Variants in CXCL13 observed in about 807,000 individuals in gnomAD.
CXCL13 encodes the protein C-X-C motif chemokine ligand 13.
CXCL13 carries 7 observed loss-of-function variants against 12.2 expected under a neutral mutation model. That is an observed-to-expected ratio of 0.57 (90% CI 0.33 to 1.07). CXCL13 has a LOEUF of 1.07. Among genes scored for constraint, CXCL13 ranks in the 50% least tolerant of loss-of-function variants. The pLI, the probability that CXCL13 is intolerant of heterozygous loss-of-function variation, is 0.04. For missense variants in CXCL13, 113 were observed against 127.4 expected (o/e 0.89, Z 0.55); for synonymous variants, 47 against 42.4 (o/e 1.11, Z -0.42).
At chr4:77,558,015 A>G (rs1320251366) in intron 1 of CXCL13, among the ~76,000 whole-genome samples, 1 of 152,324 alleles carries the variant, frequency 6.6e-6, no homozygotes, top group Non-Finnish European at 1.5e-5. Flanking sequence ...TCCTTGCTAG[A>G]ATTTCAAGTC....
chr4:77,572,055 A>C (rs939239276), intron 1 of CXCL13, among the ~76,000 whole-genome samples: 16 of 151,742 alleles, frequency 1.1e-4, no homozygotes, highest in African/African-American at 3.6e-4. Context: ...CAGACTCCAG[A>C]CGCGCCACAT....
chr4:77,539,639 G>A (rs1725152324), intron 1 of CXCL13, among the ~76,000 whole-genome samples: 1 of 152,176 alleles, frequency 6.6e-6, no homozygotes, highest in African/African-American at 2.4e-5. Flanking sequence ...AAGGTCATAT[G>A]CCAGTTAAAC....
At chr4:77,564,061 C>T (rs781252055) in intron 1 of CXCL13, among the ~76,000 whole-genome samples, 1 of 152,174 alleles carries the variant, frequency 6.6e-6, no homozygotes, top group Non-Finnish European at 1.5e-5. Context: ...GAACAAGACA[C>T]CCCACATTTT....
At chr4:77,552,130 T>C (rs1432277544) in intron 1 of CXCL13, among the ~76,000 whole-genome samples, 1 of 152,212 alleles carries the variant, frequency 6.6e-6, no homozygotes, top group East Asian at 1.9e-4. Flanking sequence ...GGTAGTGTGA[T>C]ACTTTGGTGT....
chr4:77,592,889 A>C (rs531425375), intron 1 of CXCL13, among the ~76,000 whole-genome samples: 2 of 152,370 alleles, frequency 1.3e-5, no homozygotes, highest in African/African-American at 2.4e-5. Flanking sequence ...GATTTACACA[A>C]GATTTCTCCA....
At chr4:77,599,261 A>G (rs181200638) in intron 1 of CXCL13, among the ~76,000 whole-genome samples, 1 of 152,340 alleles carries the variant, frequency 6.6e-6, no homozygotes, top group East Asian at 1.9e-4. Flanking sequence ...ACCAGAATCT[A>G]TAGATGCTCA....
At chr4:77,591,427 A>G (rs1049288533) in intron 1 of CXCL13, among the ~76,000 whole-genome samples, 10 of 151,466 alleles carry the variant, frequency 6.6e-5, no homozygotes, top group African/African-American at 2.4e-4. Context: ...GGCAGGCACC[A>G]GTAGTCCCAG....
At chr4:77,517,340 G>C (rs902849918) in intron 1 of CXCL13, among the ~76,000 whole-genome samples, 14 of 152,176 alleles carry the variant, frequency 9.2e-5, no homozygotes, top group African/African-American at 3.4e-4. Context: ...GTGCAGAGCT[G>C]AGTTCAATTC....
At chr4:77,586,885 A>G (rs1726484264) in intron 1 of CXCL13, among the ~76,000 whole-genome samples, 1 of 152,194 alleles carries the variant, frequency 6.6e-6, no homozygotes, top group Non-Finnish European at 1.5e-5. Flanking sequence ...GCACAAATGA[A>G]GTATAGTTTG....
intron 1 of CXCL13, among the ~76,000 whole-genome samples, chr4:77,534,675 G>A (rs931434350): frequency 2.6e-5 from 4 of 152,168 alleles, no homozygotes; most frequent in Non-Finnish European, 4.4e-5. Context: ...AACAGTGTTT[G>A]TGTTGGGATC....
intron 1 of CXCL13, among the ~76,000 whole-genome samples, chr4:77,557,356 G>A (rs1378103114): frequency 2.0e-5 from 3 of 152,232 alleles, no homozygotes; most frequent in Admixed American, 6.5e-5. Flanking sequence ...GCTGCTGCAG[G>A]GGGCCTGGAA....
rs1201138089 is a variant in CXCL13 at position 77,514,405 on chromosome 4, A to T, written c.-43+2617A>T. Reference sequence around the variant, plus strand: ...CACTGACTTCCACAATGGTTGAACTAGTTTACAGTCCCACCAACAGTGTAA... The same window carrying T: ...CACTGACTTCCACAATGGTTGAACTTGTTTACAGTCCCACCAACAGTGTAA... On this transcript the variant is annotated intron_variant, in intron 1 of 4. Coordinates refer to the CXCL13 transcript ENST00000286758. 2.1e-5 allele frequency among the ~76,000 whole-genome samples: 3 copies of T among 143,010 alleles called. No individual in the cohort carries two copies. In the Admixed American group the frequency reaches 2.1e-4, roughly 10 times the overall value. 93.8% of individuals were successfully genotyped at this position (143,010 alleles called of 152,430 possible).
intron 1 of CXCL13, among the ~76,000 whole-genome samples, chr4:77,574,002 T>C (rs1009125108): frequency 6.6e-6 from 1 of 151,956 alleles, no homozygotes; most frequent in African/African-American, 2.4e-5. Flanking sequence ...GAAAAATATC[T>C]TTGAGGAAAA....
chr4:77,513,269 T>A (rs1023449858), intron 1 of CXCL13, among the ~76,000 whole-genome samples: 1 of 152,228 alleles, frequency 6.6e-6, no homozygotes, highest in Non-Finnish European at 1.5e-5. Context: ...TATAGTAGCC[T>A]GATTTATAAT....
chr4:77,577,575 T>A (rs1247061390), intron 1 of CXCL13, among the ~76,000 whole-genome samples: 1 of 152,062 alleles, frequency 6.6e-6, no homozygotes, highest in Non-Finnish European at 1.5e-5. Flanking sequence ...GTCTAGGAAA[T>A]GCAAATACTA....
Position 77,544,185 on chromosome 4 carries a change from G to T in CXCL13, c.-43+32397G>T, listed in dbSNP as rs148203241. Among the ~76,000 whole-genome samples, 72 of 152,006 alleles carry T rather than the reference G, an allele frequency of 4.7e-4. 1 individual carries two copies. Among genetic ancestry groups the T allele is most frequent in the African/African-American group, 1.6e-3 (65 of 41,478 alleles). The stretch of plus-strand genomic sequence containing the variant: ...GGTTGGTTCCAAGTCTTTGCTATTG[G>T]GAATAGTGCCGCAATAAACGTATGT... On this transcript the variant is annotated intron_variant, in intron 1 of 4. Transcript: ENST00000286758.
At chr4:77,538,046 G>A in intron 1 of CXCL13, among the ~76,000 whole-genome samples, 1 of 152,226 alleles carries the variant, frequency 6.6e-6, no homozygotes, top group Non-Finnish European at 1.5e-5. Context: ...AGAGAGGGAA[G>A]CAGAGATCAG....
chr4:77,575,140 T>C lies in CXCL13; in HGVS notation c.-42-30684T>C, dbSNP rs370158082. On this transcript the variant is annotated intron_variant, in intron 1 of 4. Coordinates refer to the CXCL13 transcript ENST00000286758. ...GCATTGAAATAAAAACACAGGGTACTCTTAAGGCACTAATCAGCTCTTAAG... is the reference window on the plus strand; with the variant it reads ...GCATTGAAATAAAAACACAGGGTACCCTTAAGGCACTAATCAGCTCTTAAG... 3.8e-4 allele frequency among the ~76,000 whole-genome samples: 58 copies of C among 152,082 alleles called. 1 individual carries two copies. The East Asian group carries it at 0.011, about 29-fold the overall frequency.
intron 1 of CXCL13, among the ~76,000 whole-genome samples, chr4:77,530,410 C>CT: frequency 6.6e-6 from 1 of 152,018 alleles, no homozygotes; most frequent in East Asian, 1.9e-4. Context: ...TGGTCCTGGA[C>CT]TTTTTTTGGT....
Sources: gnomAD v4.1 joint callset for allele counts (sites outside exome capture counted in the v4.1 genomes callset) on GRCh38, gnomAD v4.1.1 for gene constraint, MANE v1.5 for transcripts, NCBI Gene and HGNC (gene_info 2026-07-23, HGNC 2026-07-21) for gene names.